CFI: variants seen among roughly 807,000 people sequenced by gnomAD.
CFI encodes complement factor I.
A neutral mutation model predicts 78.8 loss-of-function variants in CFI; 66 were observed. The observed-to-expected ratio is 0.84, with a 90% confidence interval of 0.69 to 1.03. CFI has a LOEUF of 1.03. Among genes scored for constraint, CFI ranks in the 50% least tolerant of loss-of-function variants. CFI has a pLI of 0.00. For missense variants in CFI, 706 were observed against 704.5 expected (o/e 1.00, Z -0.02); for synonymous variants, 250 against 232.6 (o/e 1.07, Z -0.68).
At chr4:109,734,853 T>A in the CFI span, among the ~76,000 whole-genome samples, 1 of 152,060 alleles carries the variant, frequency 6.6e-6, no homozygotes, top group East Asian at 1.9e-4. Context: ...TCAAAATAAA[T>A]TATGAAAATA....
chr4:109,777,036 C>A (rs995637783), intron 1 of CFI, among the ~76,000 whole-genome samples: 2 of 152,168 alleles, frequency 1.3e-5, no homozygotes, highest in African/African-American at 4.8e-5. Flanking sequence ...TTGTAAAGAC[C>A]ATCAAGGCTA....
intron 8 of CFI, among the ~76,000 whole-genome samples, chr4:109,750,357 T>G (rs1204041423): frequency 6.6e-6 from 1 of 152,160 alleles, no homozygotes; most frequent in Admixed American, 6.5e-5. Flanking sequence ...AATGTTAACA[T>G]AGTGATACTC....
chr4:109,739,654 T>C (rs183923108), downstream of CFI, among the ~76,000 whole-genome samples: 54 of 152,276 alleles, frequency 3.5e-4, no homozygotes, highest in Admixed American at 1.1e-3. Context: ...TAGTGTTCAG[T>C]GGCATATACT....
intron 7 of CFI, 102 bp downstream of exon 7, chr4:109,757,661 G>T: frequency 1.4e-6 from 1 of 736,048 alleles, no homozygotes; most frequent in Non-Finnish European, 2.2e-6. Context: ...CTAAAATGTG[G>T]TCATATCATG....
chr4:109,796,907 G>A (rs1005704323), intron 1 of CFI, among the ~76,000 whole-genome samples: 23 of 152,294 alleles, frequency 1.5e-4, no homozygotes, highest in African/African-American at 5.3e-4. Context: ...GTAAAACACT[G>A]ATGAAAGAAA....
In CFI at chr4:109,766,618, T is replaced by C. The variant is rs1222533697; in HGVS notation, c.264A>G (p.Gln88=). ...NRRSFPTYCQ[Q]KSLECLHPGT... is the part of the protein sequence containing the mutation. ...CTGGATGAAGACATTCCAAACTCTT[T>C]TGTTGACAGTATGTTGGGAAGCTTC... is the stretch of plus-strand genomic sequence containing the variant. Residue 88 remains glutamine (Q), a synonymous_variant, in exon 2 of 13, where the codon CAA becomes CAG. Coordinates refer to ENST00000394634, the MANE Select transcript of CFI (RefSeq NM_000204.5). The C allele has an allele frequency of 2.5e-6, 4 of 1,614,108 alleles. No homozygotes were observed. Among genetic ancestry groups the C allele is most frequent in the African/African-American group, 1.3e-5 (1 of 74,950 alleles).
chr4:109,801,311 C>G (rs1449114315), intron 1 of CFI, among the ~76,000 whole-genome samples: 1 of 152,180 alleles, frequency 6.6e-6, no homozygotes, highest in Non-Finnish European at 1.5e-5. Context: ...AATCACTCCT[C>G]TTTCTCACCA....
intron 1 of CFI, among the ~76,000 whole-genome samples, chr4:109,787,879 A>T (rs1579302526): frequency 6.6e-6 from 1 of 151,968 alleles, no homozygotes; most frequent in Non-Finnish European, 1.5e-5. Context: ...TTTTTAATAG[A>T]TTTTTTTGAA....
chr4:109,795,110 C>A (rs1474227006), intron 1 of CFI, among the ~76,000 whole-genome samples: 1 of 152,170 alleles, frequency 6.6e-6, no homozygotes, highest in African/African-American at 2.4e-5. Context: ...ACACAGCATA[C>A]ACGATGCTGA....
At chr4:109,780,307 TA>T (rs1398138006) in intron 1 of CFI, among the ~76,000 whole-genome samples, 1 of 150,860 alleles carries the variant, frequency 6.6e-6, no homozygotes, top group Non-Finnish European at 1.5e-5. Context: ...CAAGAAAAAA[TA>T]AAAAAACCCC....
intron 1 of CFI, among the ~76,000 whole-genome samples, chr4:109,773,699 T>C (rs1728872639): frequency 6.6e-6 from 1 of 152,128 alleles, no homozygotes; most frequent in African/African-American, 2.4e-5. Flanking sequence ...AATAAGTTTT[T>C]TCTCATTTTT....
Position 109,740,747 on chromosome 4 carries a change from G to A in CFI, c.*146C>T. On this transcript the variant is annotated 3_prime_UTR_variant, in exon 13 of 13. Coordinates refer to ENST00000394634, the MANE Select transcript of CFI (RefSeq NM_000204.5). ...AATTATACAACAAAATTCCAATATG[G>A]CATAAACTCTGTGGAGACCTTTAAA... 1 of 777,268 alleles carries A rather than the reference G, an allele frequency of 1.3e-6. No homozygotes were observed. The highest frequency in any genetic ancestry group is 2.2e-6 in the Non-Finnish European group (1 of 456,402). 48.1% of individuals were successfully genotyped at this position (777,268 alleles called of 1,614,324 possible).
At position 109,766,800 on chromosome 4, in the gene CFI, GATCCT is replaced by G; in HGVS notation, c.77_81del (p.Glu26AlafsTer18). The G allele has an allele frequency of 6.2e-7, 1 of 1,614,120 alleles. No individual in the cohort carries two copies. Among genetic ancestry groups the G allele is most frequent in the Non-Finnish European group, 8.5e-7 (1 of 1,180,018 alleles). On this transcript the variant is annotated frameshift_variant, in exon 2 of 13. Transcript: ENST00000394634. LOFTEE classifies it high-confidence loss of function. ...TTTGCTAAGCACTTTTTCTCCACCAGATCCTCTTGAGATGTATAAGTGACCTGTAA... is the reference window on the plus strand; with the variant it reads ...TTTGCTAAGCACTTTTTCTCCACCAGCTTGAGATGTATAAGTGACCTGTAA...
Position 109,742,516 on chromosome 4 carries a change from G to A in CFI, c.1509C>T (p.Phe503=). 6.2e-7 allele frequency: 1 copy of A among 1,612,916 alleles called. No homozygotes were observed. Among genetic ancestry groups the A allele is most frequent in the Non-Finnish European group, 8.5e-7 (1 of 1,178,972 alleles). ...SNCSKFYGNR[F]YEKEMECAGT... ...CTGCACATTCCATTTCTTTTTCATAGAAACGATTTCCGTAAAACTTAGAGC... is the reference window on the plus strand; with the variant it reads ...CTGCACATTCCATTTCTTTTTCATAAAAACGATTTCCGTAAAACTTAGAGC... Residue 503 remains phenylalanine, a synonymous_variant, in exon 12 of 13, where the codon TTC becomes TTT. Transcript: ENST00000394634.
At chr4:109,772,303 G>C (rs1446534075) in intron 1 of CFI, among the ~76,000 whole-genome samples, 2 of 152,236 alleles carry the variant, frequency 1.3e-5, no homozygotes, top group Non-Finnish European at 2.9e-5. Flanking sequence ...ATGAGCTGAT[G>C]ATCTTTGAGG....
intron 1 of CFI, among the ~76,000 whole-genome samples, chr4:109,789,349 A>C (rs1311501449): frequency 6.6e-6 from 1 of 151,966 alleles, no homozygotes; most frequent in Non-Finnish European, 1.5e-5. Context: ...AAGCAGGAGA[A>C]TCATGAAGGA....
chr4:109,748,183 G>C (rs1205452371), intron 10 of CFI, among the ~76,000 whole-genome samples: 1 of 152,206 alleles, frequency 6.6e-6, no homozygotes, highest in Non-Finnish European at 1.5e-5. Flanking sequence ...TTTGTTTATA[G>C]TGTTCCAAGA....
Position 109,746,597 on chromosome 4 carries a change from C to G in CFI, c.1149-95G>C, listed in dbSNP as rs1187480637. 5 of 1,075,576 alleles carry G rather than the reference C, an allele frequency of 4.6e-6. No individual in the cohort carries two copies. In the East Asian group the frequency reaches 1.0e-4, roughly 22 times the overall value. 66.6% of individuals were successfully genotyped at this position (1,075,576 alleles called of 1,614,324 possible). A position where few individuals can be genotyped will look rare whatever the true frequency, so the allele number is the denominator to read the frequency against. On this transcript the variant is annotated intron_variant, in intron 10 of 12. Coordinates refer to ENST00000394634, the MANE Select transcript of CFI (RefSeq NM_000204.5). Reference sequence around the variant, plus strand: ...TTTTATATTTTTCCCTTTTAAAAACCTTTTTCATTTCCCCAGAATTTTGTA... The same window carrying G: ...TTTTATATTTTTCCCTTTTAAAAACGTTTTTCATTTCCCCAGAATTTTGTA...
At chr4:109,781,782 C>T (rs554811134) in intron 1 of CFI, among the ~76,000 whole-genome samples, 5 of 152,088 alleles carry the variant, frequency 3.3e-5, no homozygotes, top group Admixed American at 6.6e-5. Context: ...CTAACCAAAT[C>T]GAACAACATA....
Sources: allele counts gnomAD v4.1 joint callset (sites outside exome capture counted in the v4.1 genomes callset), GRCh38; gene constraint gnomAD v4.1.1; transcripts MANE v1.5; gene names NCBI Gene and HGNC (gene_info 2026-07-23, HGNC 2026-07-21).